Variants in TTLL8 observed in about 807,000 individuals in gnomAD.
TTLL8 encodes tubulin tyrosine ligase like 8, also known as protein monoglycylase TTLL8.
Under a neutral mutation model 77.8 loss-of-function variants are expected in TTLL8, and 65 were observed. The ratio of observed to expected loss-of-function variants is 0.84; its 90% confidence interval spans 0.68 to 1.03. The LOEUF is 1.03. Ranked by LOEUF, TTLL8 falls within the 50% of genes least tolerant of loss-of-function variation. The pLI, the probability that TTLL8 is intolerant of heterozygous loss-of-function variation, is 0.00. For synonymous variants in TTLL8, 402 were observed against 422.8 expected (o/e 0.95, Z 0.60); for missense variants, 910 against 1,004.5 (o/e 0.91, Z 1.27).
chr22:50,055,155 T>C (rs2146704607), upstream of TTLL8: 5 of 1,253,128 alleles, frequency 4.0e-6, no homozygotes, highest in Non-Finnish European at 5.1e-6. Context: ...AGAGGCCAGA[T>C]GGACAGATTC....
intron 12 of TTLL8, among the ~76,000 whole-genome samples, chr22:50,019,919 A>G (rs2061185135): frequency 1.3e-5 from 2 of 152,250 alleles, no homozygotes; most frequent in Non-Finnish European, 2.9e-5. Flanking sequence ...AGAAATATGT[A>G]AAACATAAGC....
intron 8 of TTLL8, among the ~76,000 whole-genome samples, chr22:50,037,641 C>G (rs1460066541): frequency 6.6e-6 from 1 of 152,080 alleles, no homozygotes; most frequent in Non-Finnish European, 1.5e-5. Context: ...AAAAGACCAA[C>G]CTTTCCCTAA....
At chr22:50,019,061 G>A (rs2061181118) in intron 12 of TTLL8, among the ~76,000 whole-genome samples, 1 of 152,192 alleles carries the variant, frequency 6.6e-6, no homozygotes, top group Non-Finnish European at 1.5e-5. Flanking sequence ...AGTCAGAAGG[G>A]AGCACGGGAC....
At chr22:50,030,821 G>A in exon 12 of TTLL8, 1 of 1,348,420 alleles carries the variant, frequency 7.4e-7, no homozygotes, top group South Asian at 1.2e-5. Flanking sequence ...GCGAGGCCGA[G>A]GCCTTGAGGT....
chr22:50,057,406 TGGGCG>T (rs2061480237), upstream of TTLL8, among the ~76,000 whole-genome samples: 2 of 41,138 alleles, frequency 4.9e-5, no homozygotes, highest in Non-Finnish European at 4.4e-5. Flanking sequence ...AGGTCTGGGT[TGGGCG>T]GGAGGTCTGG....
At chr22:50,052,011 T>C (rs1454165037) in intron 1 of TTLL8, among the ~76,000 whole-genome samples, 2 of 152,122 alleles carry the variant, frequency 1.3e-5, no homozygotes, top group African/African-American at 4.8e-5. Flanking sequence ...ACCCTGAGTC[T>C]GAGTCCCAGC....
At chr22:50,048,115 A>AGTGTGTGTGTGTGTGTGTGT (rs34500180) in intron 3 of TTLL8, among the ~76,000 whole-genome samples, 1 of 145,640 alleles carries the variant, frequency 6.9e-6, no homozygotes, top group African/African-American at 2.6e-5. Context: ...CCCCCAAAAA[A>AGTGTGTGTGTGTGTGTGTGT]GTGTGTGTGT....
At position 50,045,840 on chromosome 22, in the gene TTLL8, C is replaced by A; in HGVS notation, c.508+16G>T. 7.5e-7 allele frequency: 1 copy of A among 1,327,032 alleles called. No individual in the cohort carries two copies. The highest frequency in any genetic ancestry group is 9.9e-7 in the Non-Finnish European group (1 of 1,005,348). The allele number at this position is 1,327,032 out of a possible 1,614,324, so 82.2% of individuals were successfully genotyped here. Reference sequence around the variant, plus strand: ...CTGCTGACAGCACTGGGGCCCTCTGCCGTCTCCTCACTTACCCAGGAACTC... The same window carrying A: ...CTGCTGACAGCACTGGGGCCCTCTGACGTCTCCTCACTTACCCAGGAACTC... On this transcript the variant is annotated intron_variant, in intron 5 of 13. Transcript: ENST00000266182.
intron 12 of TTLL8, among the ~76,000 whole-genome samples, chr22:50,025,271 C>A (rs1489534490): frequency 2.6e-5 from 2 of 77,764 alleles, no homozygotes; most frequent in Admixed American, 1.4e-4. Context: ...AACAAATTAG[C>A]AAAAACTCCA....
At chr22:50,027,015 C>G (rs1023763519) in intron 12 of TTLL8, among the ~76,000 whole-genome samples, 1 of 151,994 alleles carries the variant, frequency 6.6e-6, no homozygotes, top group Non-Finnish European at 1.5e-5. Context: ...GGGTGGATCA[C>G]CTGAGGTCAG....
chr22:50,031,394 A>G (rs999480607), intron 11 of TTLL8, among the ~76,000 whole-genome samples: 1 of 152,150 alleles, frequency 6.6e-6, no homozygotes, highest in Non-Finnish European at 1.5e-5. Context: ...GAGGCTGGGA[A>G]CAAGAGGGAG....
chr22:50,047,966 G>A (rs929074063), intron 3 of TTLL8, among the ~76,000 whole-genome samples: 19 of 152,056 alleles, frequency 1.2e-4, no homozygotes, highest in Admixed American at 7.2e-4. Flanking sequence ...GCGTGGTGGC[G>A]GGCGCCTGTA....
upstream of TTLL8, among the ~76,000 whole-genome samples, chr22:50,057,166 G>GATGGGAGTCAGGTCTGGGA (rs1463415523): frequency 1.4e-5 from 2 of 144,260 alleles, no homozygotes; most frequent in Non-Finnish European, 3.0e-5. Context: ...CAGGTCTGGG[G>GATGGGAGTCAGGTCTGGGA]ATGGGAGTCA....
At position 50,039,331 on chromosome 22, in the gene TTLL8, C is replaced by T. The variant is rs569284780; in HGVS notation, c.921+1856G>A. ...AAGTTTTTAAATTACAGATTTAGGC[C>T]GGGTGCAGTGGCTCATGCCTGTAAT... On this transcript the variant is annotated intron_variant, in intron 8 of 13. Coordinates refer to ENST00000266182, the Ensembl canonical transcript of TTLL8. Among the ~76,000 whole-genome samples the T allele has an allele frequency of 1.3e-4, 20 of 152,090 alleles. No homozygotes were observed. In the South Asian group the frequency reaches 3.1e-3, roughly 24 times the overall value.
upstream of TTLL8, among the ~76,000 whole-genome samples, chr22:50,057,412 G>T (rs1449641190): frequency 7.3e-5 from 4 of 54,730 alleles, no homozygotes; most frequent in African/African-American, 1.3e-4. Flanking sequence ...GGGTTGGGCG[G>T]GAGGTCTGGG....
At chr22:50,047,687 C>G (rs2061421219) in intron 3 of TTLL8, among the ~76,000 whole-genome samples, 1 of 152,214 alleles carries the variant, frequency 6.6e-6, no homozygotes, top group African/African-American at 2.4e-5. Context: ...GCACACCCCT[C>G]CCTGAGCCCC....
chr22:50,035,821 G>C (rs1010633079), intron 8 of TTLL8, among the ~76,000 whole-genome samples: 2 of 152,208 alleles, frequency 1.3e-5, no homozygotes, highest in African/African-American at 4.8e-5. Flanking sequence ...ATGATCTGTG[G>C]GAAGGAATCC....
chr22:50,057,443 G>C (rs1163860249), upstream of TTLL8, among the ~76,000 whole-genome samples: 1 of 74,896 alleles, frequency 1.3e-5, no homozygotes, highest in Non-Finnish European at 2.6e-5. Flanking sequence ...GGTCTGGGTT[G>C]GGGGTCAGGT....
chr22:50,042,148 C>T (rs75778781), intron 6 of TTLL8, among the ~76,000 whole-genome samples: 9,567 of 152,094 alleles, frequency 0.063, 375 homozygotes, highest in Middle Eastern at 0.13. Flanking sequence ...CTGATAAGTT[C>T]GACTTCATTA....
Sources: gnomAD v4.1 joint callset for allele counts (sites outside exome capture counted in the v4.1 genomes callset) on GRCh38, gnomAD v4.1.1 for gene constraint, MANE v1.5 for transcripts, NCBI Gene and HGNC (gene_info 2026-07-23, HGNC 2026-07-21) for gene names.